RABGAP1L: variants seen among roughly 807,000 people sequenced by gnomAD.
The protein encoded by RABGAP1L is rab GTPase-activating protein 1-like.
RABGAP1L carries 63 observed loss-of-function variants against 137.7 expected under a neutral mutation model. The observed-to-expected ratio is 0.46, with a 90% CI of 0.37 to 0.56. The LOEUF is 0.56. Among genes scored for constraint, RABGAP1L ranks in the 20% least tolerant of loss-of-function variants. RABGAP1L has a pLI of 0.00. For missense variants in RABGAP1L, 1,095 were observed against 1,244.0 expected (o/e 0.88, Z 1.80); for synonymous variants, 431 against 433.7 (o/e 0.99, Z 0.08).
intron 19 of RABGAP1L, among the ~76,000 whole-genome samples, chr1:174,817,894 G>A (rs1057415199): frequency 6.6e-6 from 1 of 152,142 alleles, no homozygotes; most frequent in Admixed American, 6.5e-5. Flanking sequence ...GAGCCTCAGG[G>A]CAGATAAAGA....
intron 13 of RABGAP1L, among the ~76,000 whole-genome samples, chr1:174,526,002 A>G (rs1000065431): frequency 1.8e-4 from 28 of 152,026 alleles, no homozygotes; most frequent in African/African-American, 6.5e-4. Context: ...ATGATGTATT[A>G]TTTGATTTTC....
At position 174,302,095 on chromosome 1, in the gene RABGAP1L, C is replaced by T. The variant is rs184388084; in HGVS notation, c.1324-2891C>T. On this transcript the variant is annotated intron_variant, in intron 10 of 25. Coordinates refer to ENST00000681986, the MANE Select transcript of RABGAP1L (RefSeq NM_001366446.1). ...CAGCTAATGTAAAAGTTCTAAGATACGGACAAGCTTGGATTGTTGTTAGGA... is the reference window on the plus strand; with the variant it reads ...CAGCTAATGTAAAAGTTCTAAGATATGGACAAGCTTGGATTGTTGTTAGGA... 3.9e-5 allele frequency among the ~76,000 whole-genome samples: 6 copies of T among 152,302 alleles called. No homozygotes were observed. In the East Asian group the frequency reaches 7.7e-4, roughly 20 times the overall value.
intron 18 of RABGAP1L, among the ~76,000 whole-genome samples, chr1:174,765,004 A>G (rs983140522): frequency 6.6e-6 from 1 of 152,008 alleles, no homozygotes; most frequent in Non-Finnish European, 1.5e-5. Context: ...TGTCAATCTC[A>G]TCTGTCCGTG....
At chr1:174,946,342 A>G (rs1666761304) in intron 19 of RABGAP1L, among the ~76,000 whole-genome samples, 1 of 152,144 alleles carries the variant, frequency 6.6e-6, no homozygotes, top group South Asian at 2.1e-4. Flanking sequence ...TTTGGTGTCA[A>G]AAAGACCTTT....
At chr1:174,318,581 T>TTTCTTTCC (rs1225265039) in intron 11 of RABGAP1L, among the ~76,000 whole-genome samples, 345 of 14,502 alleles carry the variant, frequency 0.024, 2 homozygotes, top group Non-Finnish European at 0.023. Context: ...TGGTGATTGT[T>TTTCTTTCC]TTCTTTCTTT....
In RABGAP1L at chr1:174,275,928, C is replaced by T; in HGVS notation, c.1149C>T (p.Thr383=). Residue 383 remains threonine (T), a synonymous_variant, in exon 9 of 26, where the codon ACC becomes ACT. Transcript: ENST00000681986. ...APVFLALNEE[T]PKDKQVYMTV... The stretch of plus-strand genomic sequence containing the variant: ...TATTTCTGGCACTTAACGAGGAAAC[C>T]CCAAAAGGTGACTTTTCTTAAAAGA... 6.2e-7 allele frequency: 1 copy of T among 1,609,752 alleles called. No individual in the cohort carries two copies. The highest frequency in any genetic ancestry group is 8.5e-7 in the Non-Finnish European group (1 of 1,177,206).
chr1:174,189,738 G>A lies in RABGAP1L; in HGVS notation c.-33-29387G>A, dbSNP rs567512372. Among the ~76,000 whole-genome samples the A allele has an allele frequency of 3.9e-5, 6 of 152,312 alleles. No individual in the cohort carries two copies. The South Asian group carries it at 1.2e-3, about 32-fold the overall frequency. ...AATCCTTGTACTTTGGGAGGCCAAG[G>A]CAGGAGGATTGCTTGATCCCAGGAG... On this transcript the variant is annotated intron_variant, in intron 1 of 25. Coordinates refer to ENST00000681986, the MANE Select transcript of RABGAP1L (RefSeq NM_001366446.1).
chr1:174,639,457 G>T (rs184255570), intron 14 of RABGAP1L, among the ~76,000 whole-genome samples: 5 of 152,260 alleles, frequency 3.3e-5, no homozygotes, highest in Admixed American at 1.3e-4. Flanking sequence ...TCTGCAAGCT[G>T]ATTAACACTG....
chr1:174,642,657 A>C (rs1432858897), intron 14 of RABGAP1L, among the ~76,000 whole-genome samples: 58 of 115,438 alleles, frequency 5.0e-4, no homozygotes, highest in East Asian at 8.0e-4. Flanking sequence ...TCCTCTCCCC[A>C]CCCTCTCCCC....
intron 13 of RABGAP1L, among the ~76,000 whole-genome samples, chr1:174,520,215 G>A (rs1295064644): frequency 6.6e-6 from 1 of 152,186 alleles, no homozygotes; most frequent in Non-Finnish European, 1.5e-5. Flanking sequence ...TCAGTCCTCA[G>A]GACTCTGAGA....
chr1:174,436,442 A>G (rs1653317341), intron 13 of RABGAP1L, among the ~76,000 whole-genome samples: 1 of 152,196 alleles, frequency 6.6e-6, no homozygotes. Context: ...TTTTGGCTGC[A>G]TAAATGTCTT....
chr1:174,441,313 G>C (rs1291908228), intron 13 of RABGAP1L, among the ~76,000 whole-genome samples: 1 of 151,950 alleles, frequency 6.6e-6, no homozygotes, highest in African/African-American at 2.4e-5. Context: ...TAAAAACAAA[G>C]AATGCTTTAT....
intron 11 of RABGAP1L, among the ~76,000 whole-genome samples, chr1:174,331,700 A>C (rs919210589): frequency 6.6e-6 from 1 of 152,158 alleles, no homozygotes; most frequent in Admixed American, 6.6e-5. Context: ...GTTATACTTT[A>C]AGTTTTAGGG....
Position 174,448,581 on chromosome 1 carries a change from G to T in RABGAP1L, c.1710+54436G>T, listed in dbSNP as rs1192778697. The T allele has an allele frequency of 6.2e-7, 1 of 1,613,714 alleles. No individual in the cohort carries two copies. Among genetic ancestry groups the T allele is most frequent in the Non-Finnish European group, 8.5e-7 (1 of 1,179,854 alleles). ...TACAATCAACTGGTCACCCCTTGTC[G>T]CTTGAGAATTTGCATTATTTTGATC... is the stretch of plus-strand genomic sequence containing the variant. On this transcript the variant is annotated intron_variant, in intron 13 of 25. Transcript: ENST00000681986. The surrounding 1 kb of genome is among the most constrained non-coding windows in gnomAD (Gnocchi z 4.2).
rs2149221769 is a variant in RABGAP1L, at chr1:174,919,287, G to A, written c.2341-38170G>A. Among the ~76,000 whole-genome samples, 3 of 152,252 alleles carry A rather than the reference G, an allele frequency of 2.0e-5. 1 individual carries two copies. The highest frequency in any genetic ancestry group is 4.4e-5 in the Non-Finnish European group (3 of 68,030). On this transcript the variant is annotated intron_variant, in intron 19 of 25. Transcript: ENST00000681986. The stretch of plus-strand genomic sequence containing the variant: ...CCCGCCTTGACCTCCCAAAGTGCTG[G>A]GATTACAGGCGTGAGCCACTGCGCC...
chr1:174,879,886 G>A (rs913574729), intron 19 of RABGAP1L, among the ~76,000 whole-genome samples: 3 of 152,240 alleles, frequency 2.0e-5, no homozygotes, highest in African/African-American at 7.2e-5. Flanking sequence ...GAGGCCAGGA[G>A]TTCAAGACCA....
chr1:174,930,193 G>A (rs1451874632), intron 19 of RABGAP1L, among the ~76,000 whole-genome samples: 1 of 151,842 alleles, frequency 6.6e-6, no homozygotes, highest in Non-Finnish European at 1.5e-5. Flanking sequence ...TTTATTTTAT[G>A]TATTTACTTA....
chr1:174,463,172 A>G (rs1488693895), intron 13 of RABGAP1L, among the ~76,000 whole-genome samples: 1 of 152,140 alleles, frequency 6.6e-6, no homozygotes, highest in Non-Finnish European at 1.5e-5. Flanking sequence ...GTATATACCC[A>G]AAGGACTATA....
intron 18 of RABGAP1L, among the ~76,000 whole-genome samples, chr1:174,797,626 TGGGTGTGTGGGG>T (rs1247876828): frequency 1.5e-5 from 1 of 66,018 alleles, no homozygotes; most frequent in Non-Finnish European, 2.8e-5. Context: ...AGTGGGAGTG[TGGGTGTGTGGGG>T]GGGTGTGTGG....
Sources: allele counts gnomAD v4.1 joint callset (sites outside exome capture counted in the v4.1 genomes callset), GRCh38; gene constraint gnomAD v4.1.1; non-coding constraint Gnocchi (gnomAD v3.1); transcripts MANE v1.5; gene names NCBI Gene and HGNC (gene_info 2026-07-23, HGNC 2026-07-21).